The following C5 variants were observed in gnomAD, a reference collection of about 807,000 sequenced individuals.
C5 encodes the protein C3 and PZP-like alpha-2-macroglobulin domain-containing protein 4.
C5 carries 140 observed loss-of-function variants against 218.8 expected under a neutral mutation model. The ratio of observed to expected loss-of-function variants is 0.64; its 90% CI spans 0.56 to 0.74. The LOEUF is 0.74. Ranked by LOEUF, C5 falls within the 30% of genes least tolerant of loss-of-function variation. The pLI is 0.00. For missense variants in C5, 1,700 were observed against 1,969.6 expected, an observed-to-expected ratio of 0.86 and a Z score of 2.59; for synonymous variants, 614 against 682.3, an observed-to-expected ratio of 0.90 and a Z score of 1.56.
intron 33 of C5, among the ~76,000 whole-genome samples, chr9:120,966,185 C>T (rs1255256232): frequency 6.6e-6 from 1 of 152,284 alleles, no homozygotes; most frequent in East Asian, 1.9e-4. Context: ...ATATTCCACC[C>T]GCCTTTCTGG....
chr9:120,981,986 AG>A, intron 26 of C5, 47 bp from the exon 27 acceptor site: 1 of 1,247,832 alleles, frequency 8.0e-7, no homozygotes, highest in South Asian at 1.2e-5. Context: ...GGTGTCTTTA[AG>A]GCGAAATGAC....
At chr9:121,025,678 A>T in intron 8 of C5, 98 bp from the exon 9 acceptor site, 1 of 1,175,678 alleles carries the variant, frequency 8.5e-7, no homozygotes, top group Non-Finnish European at 1.2e-6. Flanking sequence ...TTGAAGGTAA[A>T]TGTCAGAAGA....
rs1456393831 is a variant in C5 at position 121,018,704 on chromosome 9, GAAAGA to G, written c.1507-857_1507-853del. Among the ~76,000 whole-genome samples the G allele has an allele frequency of 6.9e-4, 97 of 141,222 alleles. 1 individual carries two copies. The highest frequency in any genetic ancestry group is 2.2e-3 in the Admixed American group (30 of 13,554). The allele number at this position is 141,222 out of a possible 152,430, so 92.6% of individuals were successfully genotyped here. ...GAAGGGAGGGAGGGAGGGAAAGAAA[GAAAGA>G]AAAGAAAGAAAGAAAGAAGGAAGGA... On this transcript the variant is annotated intron_variant, in intron 12 of 40. Coordinates refer to ENST00000223642, the MANE Select transcript of C5 (RefSeq NM_001735.3).
At chr9:120,972,417 T>C (rs2046921619) in intron 30 of C5, among the ~76,000 whole-genome samples, 1 of 152,174 alleles carries the variant, frequency 6.6e-6, no homozygotes, top group Admixed American at 6.5e-5. Context: ...CCACATAACT[T>C]GAAAGCGGGT....
intron 33 of C5, among the ~76,000 whole-genome samples, chr9:120,968,274 A>G (rs2046884153): frequency 6.6e-6 from 1 of 152,208 alleles, no homozygotes; most frequent in African/African-American, 2.4e-5. Context: ...TGATGGAAGC[A>G]GAGGTCACAG....
At position 121,048,623 on chromosome 9, in the gene C5, A is replaced by C. The variant is rs1175408905; in HGVS notation, c.65+1559T>G. Reference sequence around the variant, plus strand: ...TGGTAGCCGTCAAGCAAAAATACATAGTGTTTAGAAGCCCCTAAAAGAATA... The same window carrying C: ...TGGTAGCCGTCAAGCAAAAATACATCGTGTTTAGAAGCCCCTAAAAGAATA... On this transcript the variant is annotated intron_variant, in intron 1 of 40. Coordinates refer to ENST00000223642, the MANE Select transcript of C5 (RefSeq NM_001735.3). Among the ~76,000 whole-genome samples the C allele has an allele frequency of 2.0e-5, 3 of 152,230 alleles. No homozygotes were observed. The East Asian group carries it at 5.8e-4, about 29-fold the overall frequency.
intron 39 of C5, among the ~76,000 whole-genome samples, chr9:120,954,666 G>A (rs924991769): frequency 9.2e-5 from 14 of 152,142 alleles, no homozygotes; most frequent in Non-Finnish European, 1.9e-4. Flanking sequence ...CTGATTTATC[G>A]CTATATATAC....
chr9:120,987,643 AAAAAAAAG>A (rs1362471295), intron 25 of C5, among the ~76,000 whole-genome samples: 3 of 150,332 alleles, frequency 2.0e-5, no homozygotes, highest in East Asian at 1.9e-4. Context: ...TCTCAAAAAA[AAAAAAAAG>A]AAAAAAGAAA....
chr9:121,054,454 G>A (rs556091482), upstream of C5, among the ~76,000 whole-genome samples: 4 of 152,230 alleles, frequency 2.6e-5, no homozygotes, highest in South Asian at 8.3e-4. Context: ...ACAAAAATTA[G>A]CTGGGTGTGG....
intron 25 of C5, among the ~76,000 whole-genome samples, chr9:120,986,347 C>CA (rs1460715306): frequency 7.0e-6 from 1 of 142,512 alleles, no homozygotes; most frequent in Non-Finnish European, 1.5e-5. Context: ...GAGAAAAGTT[C>CA]AATATCCACA....
At chr9:121,038,143 T>G (rs1328321722) in intron 3 of C5, among the ~76,000 whole-genome samples, 192 bp from the exon 4 acceptor site, 1 of 152,208 alleles carries the variant, frequency 6.6e-6, no homozygotes, top group Non-Finnish European at 1.5e-5. Flanking sequence ...AAGAGAATCC[T>G]CAGGGATTCC....
the C5 span, among the ~76,000 whole-genome samples, chr9:121,062,861 T>C: frequency 2.0e-5 from 3 of 152,210 alleles, no homozygotes; most frequent in African/African-American, 7.2e-5. Flanking sequence ...TCCTTTGTAC[T>C]ATCATGTGTT....
intron 1 of C5, 99 bp downstream of exon 1, chr9:121,050,083 T>C (rs2047660258): frequency 4.2e-6 from 4 of 962,080 alleles, no homozygotes; most frequent in Non-Finnish European, 6.8e-6. Context: ...TTCTCAGAAG[T>C]AGCAAGTTAT....
At chr9:120,958,205 T>C (rs10491538) in intron 38 of C5, among the ~76,000 whole-genome samples, 8,292 of 152,290 alleles carry the variant, frequency 0.054, 669 homozygotes, top group African/African-American at 0.18. Context: ...TGGCTTAAAA[T>C]GCATGAAAAG....
chr9:120,952,904 A>G lies in C5; in HGVS notation c.4902-36T>C, dbSNP rs767501788. The G allele has an allele frequency of 2.5e-6, 4 of 1,610,748 alleles. No individual in the cohort carries two copies. The Admixed American group carries it at 6.7e-5, about 27-fold the overall frequency. ...ACAAAGTGTTTGTGAGGTGGCCACA[A>G]AACAGAAAAGCTGAATTTGATTTCT... On this transcript the variant is annotated intron_variant, in intron 40 of 40. Coordinates refer to ENST00000223642, the MANE Select transcript of C5 (RefSeq NM_001735.3).
At chr9:121,074,865 G>A in the C5 span, 1 of 456,190 alleles carries the variant, frequency 2.2e-6, no homozygotes. Flanking sequence ...AAAGAGGCGG[G>A]AAACGCCTCC....
At chr9:120,977,922 A>T (rs1490158215) in intron 28 of C5, among the ~76,000 whole-genome samples, 1 of 152,184 alleles carries the variant, frequency 6.6e-6, no homozygotes, top group African/African-American at 2.4e-5. Flanking sequence ...ACTTTCTTCC[A>T]TGCAGTGAAA....
At chr9:121,035,357 T>G (rs183589523) in intron 4 of C5, among the ~76,000 whole-genome samples, 1 of 152,354 alleles carries the variant, frequency 6.6e-6, no homozygotes, top group African/African-American at 2.4e-5. Flanking sequence ...TTTATAAATG[T>G]ATAGTATGGG....
chr9:120,970,029 T>A lies in C5; in HGVS notation c.4162+141A>T. On this transcript the variant is annotated intron_variant, in intron 32 of 40. Transcript: ENST00000223642. ...TGTAAAAAATGGAAGTAATATTTACTTGGATGTCAACCTGCTAAAGTATTT... is the reference window on the plus strand; with the variant it reads ...TGTAAAAAATGGAAGTAATATTTACATGGATGTCAACCTGCTAAAGTATTT... 1.1e-5 allele frequency: 7 copies of A among 664,450 alleles called. No homozygotes were observed. The South Asian group carries it at 1.2e-4, about 11-fold the overall frequency. The allele number at this position is 664,450 out of a possible 1,614,324, so 41.2% of individuals were successfully genotyped here.
Sources: gnomAD v4.1 joint callset for allele counts (sites outside exome capture counted in the v4.1 genomes callset) on GRCh38, gnomAD v4.1.1 for gene constraint, MANE v1.5 for transcripts, NCBI Gene and HGNC (gene_info 2026-07-23, HGNC 2026-07-21) for gene names.